The following NDRG2 variants were observed in gnomAD, a reference collection of about 807,000 sequenced individuals.
NDRG2 encodes protein NDRG2.
In NDRG2, 34 loss-of-function variants were observed where a neutral mutation model predicts 58.2. That is an observed-to-expected ratio of 0.58 (90% CI 0.44 to 0.78). The LOEUF (loss-of-function observed/expected upper bound fraction) is 0.78. Ranked by LOEUF, NDRG2 falls within the 30% of genes least tolerant of loss-of-function variation. The pLI, the probability that NDRG2 is intolerant of heterozygous loss-of-function variation, is 0.00. For synonymous variants in NDRG2, 187 were observed against 175.9 expected (o/e 1.06, Z -0.50); for missense variants, 434 against 471.2 (o/e 0.92, Z 0.73).
At chr14:21,023,576 C>T (rs1882058461) in intron 1 of NDRG2, 2 of 423,734 alleles carry the variant, frequency 4.7e-6, no homozygotes, top group Non-Finnish European at 8.3e-6. Flanking sequence ...CTCAACACCA[C>T]ACCTCCAGAC....
At position 21,019,167 on chromosome 14, in the gene NDRG2, AG is replaced by A; in HGVS notation, c.717-8del. 6.2e-7 allele frequency: 1 copy of A among 1,609,404 alleles called. No individual in the cohort carries two copies. Among genetic ancestry groups the A allele is most frequent in the Non-Finnish European group, 8.5e-7 (1 of 1,178,626 alleles). ...AAAGTTCAGGTCTCGGCGGCTAGAA[AG>A]GGGTTAAAAGAGTAGGAATTTTAGG... On this transcript the variant is annotated splice_region_variant and splice_polypyrimidine_tract_variant and intron_variant, in intron 10 of 15. Transcript: ENST00000556147.
intron 1 of NDRG2, chr14:21,043,305 T>G: frequency 6.2e-7 from 1 of 1,614,126 alleles, no homozygotes; most frequent in Non-Finnish European, 8.5e-7. Context: ...CGGGGCCGTG[T>G]CCCTGACCAT....
rs1886659325 is a variant in NDRG2 at position 21,070,535 on chromosome 14, C to T, written c.24+293G>A. ...CCTCTGGGACTCTCCTCCCTCCCAT[C>T]CCCCCTTCTTCGATTTGTCTGTCTG... On this transcript the variant is annotated intron_variant, in intron 1 of 14. Transcript: ENST00000403829. The surrounding 1 kb of genome is among the most constrained non-coding windows in gnomAD (Gnocchi z 4.7). 9.2e-7 allele frequency: 1 copy of T among 1,088,624 alleles called. No homozygotes were observed. Among genetic ancestry groups the T allele is most frequent in the East Asian group, 2.7e-5 (1 of 36,578 alleles). The allele number at this position is 1,088,624 out of a possible 1,614,324, so 67.4% of individuals were successfully genotyped here.
At chr14:21,018,685 C>A in intron 12 of NDRG2, 78 bp downstream of exon 12, 1 of 1,604,784 alleles carries the variant, frequency 6.2e-7, no homozygotes, top group Admixed American at 1.7e-5. Context: ...AGGACATCCC[C>A]TTGGCAAGAT....
chr14:21,039,579 G>A (rs1037656380), intron 1 of NDRG2, among the ~76,000 whole-genome samples: 16 of 152,130 alleles, frequency 1.1e-4, no homozygotes, highest in African/African-American at 3.9e-4. Context: ...AGCCAAAATA[G>A]CAAAATCAGC....
At chr14:21,028,799 T>C (rs929625394), upstream of NDRG2, 2 of 151,924 alleles carry the variant, frequency 1.3e-5, no homozygotes, top group East Asian at 1.9e-4. Flanking sequence ...AACTATGAGA[T>C]GATAAGAACT....
intron 1 of NDRG2, among the ~76,000 whole-genome samples, chr14:21,054,530 G>A (rs908131415): frequency 1.3e-5 from 2 of 152,154 alleles, no homozygotes; most frequent in Admixed American, 6.5e-5. Context: ...GAAATGTTTA[G>A]GCCAGCCCTG....
chr14:21,028,282 C>G (rs73583894), upstream of NDRG2, among the ~76,000 whole-genome samples: 1,252 of 151,924 alleles, frequency 8.2e-3, 23 homozygotes, highest in African/African-American at 0.029. Flanking sequence ...GAGATGGGGT[C>G]TCTCTGTCAG....
intron 1 of NDRG2, among the ~76,000 whole-genome samples, chr14:21,037,587 A>T (rs1884706164): frequency 6.6e-6 from 1 of 152,260 alleles, no homozygotes; most frequent in African/African-American, 2.4e-5. Flanking sequence ...GACAGCTCCC[A>T]TAACAAAGAA....
Position 21,070,326 on chromosome 14 carries a change from CG to C in NDRG2, c.24+501del. On this transcript the variant is annotated intron_variant, in intron 1 of 14. Transcript: ENST00000403829. The surrounding 1 kb of genome is among the most constrained non-coding windows in gnomAD (Gnocchi z 4.7). ...GCCAGACCCGGCGAGACACGAGCGG[CG>C]GGAGGGAGGCGGTGGCGCGCCCGGC... The C allele has an allele frequency of 7.2e-7, 1 of 1,389,606 alleles. No homozygotes were observed. Among genetic ancestry groups the C allele is most frequent in the Non-Finnish European group, 9.3e-7 (1 of 1,074,866 alleles). 86.1% of individuals were successfully genotyped at this position (1,389,606 alleles called of 1,614,324 possible). A position where few individuals can be genotyped will look rare whatever the true frequency, so the allele number is the denominator to read the frequency against.
rs1477875069 is a variant in NDRG2, at chr14:21,070,417, GC to G, written c.24+410del. The G allele has an allele frequency of 3.5e-6, 5 of 1,413,632 alleles. No homozygotes were observed. Among genetic ancestry groups the G allele is most frequent in the Admixed American group, 3.3e-5 (1 of 30,138 alleles). The allele number at this position is 1,413,632 out of a possible 1,614,324, so 87.6% of individuals were successfully genotyped here. ...GAGCCATGGTGAGTCCAGCGTCGCA[GC>G]CCCCTGGGTCCCCTCGGCCTTCGCG... On this transcript the variant is annotated intron_variant, in intron 1 of 14. Transcript: ENST00000403829. The surrounding 1 kb of genome is among the most constrained non-coding windows in gnomAD (Gnocchi z 4.7).
At position 21,017,582 on chromosome 14, in the gene NDRG2, G is replaced by A. The variant is rs1364731791; in HGVS notation, c.*14C>T. On this transcript the variant is annotated 3_prime_UTR_variant, in exon 16 of 16. Coordinates refer to ENST00000556147, the MANE Select transcript of NDRG2 (RefSeq NM_001320329.2). ...GGTGAGGGCTGGGTCCCACTCTAGG[G>A]CAACAAGGGCCATTCAACAGGAGAC... is the stretch of plus-strand genomic sequence containing the variant. 7 of 1,611,194 alleles carry A rather than the reference G, an allele frequency of 4.3e-6. No homozygotes were observed. The highest frequency in any genetic ancestry group is 5.1e-6 in the Non-Finnish European group (6 of 1,178,712).
At chr14:21,021,769 T>C (rs762554958) in intron 6 of NDRG2, 48 bp downstream of exon 6, 5 of 1,584,636 alleles carry the variant, frequency 3.2e-6, no homozygotes, top group African/African-American at 2.7e-5. Flanking sequence ...AGGGTCTCCT[T>C]GTGCTGGAAA....
intron 1 of NDRG2, among the ~76,000 whole-genome samples, chr14:21,067,766 A>ACAC (rs1355926794): frequency 1.3e-5 from 2 of 151,424 alleles, no homozygotes; most frequent in Non-Finnish European, 2.9e-5. Flanking sequence ...ACACGTACAC[A>ACAC]CACACACACA....
At chr14:21,055,358 T>C (rs921856669) in intron 1 of NDRG2, among the ~76,000 whole-genome samples, 1 of 152,242 alleles carries the variant, frequency 6.6e-6, no homozygotes, top group African/African-American at 2.4e-5. Flanking sequence ...AAATATTTTT[T>C]ATTTGATTCT....
At position 21,041,948 on chromosome 14, in the gene NDRG2, C is replaced by T. The variant is rs79236586; in HGVS notation, c.25-18627G>A. ...ACAAGGAACCAGACAAAGCATCTTT[C>T]TAGGCTGTCCTATCTGTGCCTCAGG... On this transcript the variant is annotated intron_variant, in intron 1 of 14. Transcript: ENST00000403829. Among the ~76,000 whole-genome samples, 596 of 152,288 alleles carry T rather than the reference C, an allele frequency of 3.9e-3. 1 individual carries two copies. The highest frequency in any genetic ancestry group is 0.013 in the African/African-American group (537 of 41,558).
chr14:21,040,786 C>T (rs1407315106), intron 1 of NDRG2, among the ~76,000 whole-genome samples: 2 of 152,206 alleles, frequency 1.3e-5, no homozygotes, highest in Non-Finnish European at 2.9e-5. Context: ...TCACTCTTAT[C>T]TTCAAGTCTC....
intron 1 of NDRG2, among the ~76,000 whole-genome samples, chr14:21,052,791 C>T (rs1885524197): frequency 6.6e-6 from 1 of 152,156 alleles, no homozygotes. Flanking sequence ...ATCCATCCAA[C>T]ATTATTATAC....
chr14:21,040,753 T>C (rs1224628895), intron 1 of NDRG2, among the ~76,000 whole-genome samples: 1 of 152,210 alleles, frequency 6.6e-6, no homozygotes, highest in Non-Finnish European at 1.5e-5. Context: ...CTTGGAACAT[T>C]CTTCCTCCGG....
Sources: gnomAD v4.1 joint callset for allele counts (sites outside exome capture counted in the v4.1 genomes callset) on GRCh38, gnomAD v4.1.1 for gene constraint, Gnocchi (gnomAD v3.1) non-coding constraint, MANE v1.5 for transcripts, NCBI Gene and HGNC (gene_info 2026-07-23, HGNC 2026-07-21) for gene names.